Variants in PARD3B observed in about 807,000 individuals in gnomAD.
PARD3B encodes par-3 family cell polarity regulator beta.
In PARD3B, 103 loss-of-function variants were observed where a neutral mutation model predicts 130.2. That is an observed-to-expected ratio of 0.79 (90% CI 0.67 to 0.93). PARD3B has a LOEUF of 0.93. Ranked by LOEUF, PARD3B falls within the 40% of genes least tolerant of loss-of-function variation. The probability of loss-of-function intolerance (pLI) is 0.00; values close to 1 mark genes in which losing one functional copy is unlikely to be tolerated. For synonymous variants in PARD3B, 583 were observed against 553.2 expected, an observed-to-expected ratio of 1.05 and a Z score of -0.76; for missense variants, 1,609 against 1,499.2, an observed-to-expected ratio of 1.07 and a Z score of -1.21.
rs574908120 is a variant in PARD3B, at chr2:204,796,810, G to GT, written c.222+110532dup. ...TTGTGTATTCGAATCCAGGTACTAT[G>GT]TTTTGAGTAACCATATGCCTCTGGC... is the stretch of plus-strand genomic sequence containing the variant. On this transcript the variant is annotated intron_variant, in intron 2 of 22. Transcript: ENST00000406610. 2.2e-3 allele frequency among the ~76,000 whole-genome samples: 330 copies of GT among 152,270 alleles called. 1 individual carries two copies. Among genetic ancestry groups the GT allele is most frequent in the Non-Finnish European group, 3.6e-3 (247 of 68,002 alleles).
chr2:205,378,224 C>G (rs2045145391), intron 18 of PARD3B, among the ~76,000 whole-genome samples: 1 of 152,130 alleles, frequency 6.6e-6, no homozygotes, highest in Non-Finnish European at 1.5e-5. Flanking sequence ...ACTTAAAATG[C>G]AAAAGCCAGG....
At chr2:204,989,450 T>C (rs1366333137) in intron 3 of PARD3B, among the ~76,000 whole-genome samples, 1 of 152,060 alleles carries the variant, frequency 6.6e-6, no homozygotes, top group East Asian at 1.9e-4. Context: ...AAATATTGAA[T>C]TTGAGAGTTT....
intron 20 of PARD3B, among the ~76,000 whole-genome samples, chr2:205,486,922 G>A (rs1345238618): frequency 2.0e-5 from 3 of 152,104 alleles, no homozygotes; most frequent in South Asian, 2.1e-4. Context: ...GCATATGGAC[G>A]TAAAAGGAAT....
intron 15 of PARD3B, among the ~76,000 whole-genome samples, chr2:205,227,733 TCTGG>T (rs2038633923): frequency 6.6e-6 from 1 of 152,182 alleles, no homozygotes; most frequent in Non-Finnish European, 1.5e-5. Context: ...TTATTTGTTT[TCTGG>T]TTGTTTTGTG....
chr2:204,636,217 A>G (rs2034869050), intron 1 of PARD3B, among the ~76,000 whole-genome samples: 1 of 152,066 alleles, frequency 6.6e-6, no homozygotes, highest in Admixed American at 6.6e-5. Flanking sequence ...TTCTGTTTCC[A>G]GTGTCATGGT....
intron 1 of PARD3B, among the ~76,000 whole-genome samples, chr2:204,625,176 C>T (rs984664126): frequency 6.6e-6 from 1 of 152,132 alleles, no homozygotes; most frequent in African/African-American, 2.4e-5. Flanking sequence ...TTTTCATCCT[C>T]ATTTTTATTT....
chr2:204,561,631 T>G (rs1264404753), intron 1 of PARD3B, among the ~76,000 whole-genome samples: 2 of 151,184 alleles, frequency 1.3e-5, no homozygotes, highest in Non-Finnish European at 2.9e-5. Context: ...GTTTTGCTCT[T>G]GTCACCCAGG....
Position 204,875,822 on chromosome 2 carries a change from G to A in PARD3B, c.223-89330G>A, listed in dbSNP as rs895217221. 6.6e-5 allele frequency among the ~76,000 whole-genome samples: 10 copies of A among 152,194 alleles called. 1 individual carries two copies. The highest frequency in any genetic ancestry group is 1.7e-4 in the African/African-American group (7 of 41,454). On this transcript the variant is annotated intron_variant, in intron 2 of 22. Coordinates refer to ENST00000406610, the MANE Select transcript of PARD3B (RefSeq NM_001302769.2). ...AGAAGGCGGCCCTAAAAATCTTACA[G>A]TATGTCATTGGTTTGTTGATAACTC...
At chr2:205,296,429 T>C (rs2041794224) in intron 16 of PARD3B, among the ~76,000 whole-genome samples, 1 of 152,318 alleles carries the variant, frequency 6.6e-6, no homozygotes. Flanking sequence ...ACATCCAAAC[T>C]ATCCTCCAGG....
chr2:204,920,198 A>T (rs1054859402), intron 2 of PARD3B, among the ~76,000 whole-genome samples: 1 of 152,206 alleles, frequency 6.6e-6, no homozygotes, highest in Non-Finnish European at 1.5e-5. Flanking sequence ...GCTGTGGCCC[A>T]TCAGGGTATG....
intron 20 of PARD3B, among the ~76,000 whole-genome samples, chr2:205,462,383 G>GT (rs552986238): frequency 5.3e-5 from 8 of 151,892 alleles, no homozygotes; most frequent in South Asian, 4.2e-4. Context: ...CAGTCTTAAT[G>GT]TTTTTTTTGA....
At position 205,178,854 on chromosome 2, in the gene PARD3B, C is replaced by A. The variant is rs906980742; in HGVS notation, c.1924+2277C>A. On this transcript the variant is annotated intron_variant, in intron 13 of 22. Coordinates refer to ENST00000406610, the MANE Select transcript of PARD3B (RefSeq NM_001302769.2). The stretch of plus-strand genomic sequence containing the variant: ...AGATTTTAATGGAGCTGAAAAATTC[C>A]TAATGCTATACTATAATTTTTATCA... Among the ~76,000 whole-genome samples the A allele has an allele frequency of 9.2e-5, 14 of 152,088 alleles. No homozygotes were observed. The South Asian group carries it at 2.9e-3, about 32-fold the overall frequency.
rs373341326 is a variant in PARD3B, at chr2:205,257,140, A to G, written c.2185+11318A>G. Among the ~76,000 whole-genome samples the G allele has an allele frequency of 5.3e-4, 80 of 152,252 alleles. 3 individuals carry two copies. The South Asian group carries it at 0.016, about 31-fold the overall frequency. On this transcript the variant is annotated intron_variant, in intron 16 of 22. Coordinates refer to ENST00000406610, the MANE Select transcript of PARD3B (RefSeq NM_001302769.2). ...GGGTTAATGAAGAATGTGTGAAATG[A>G]AAGAGAAAACTTAAAGGAACCTAGA...
chr2:204,822,165 G>A (rs982793410), intron 2 of PARD3B, among the ~76,000 whole-genome samples: 2 of 152,214 alleles, frequency 1.3e-5, no homozygotes, highest in Admixed American at 1.3e-4. Context: ...GGAAGAAGTT[G>A]ATTCTAACCC....
At chr2:205,235,630 C>T (rs1310760123) in intron 15 of PARD3B, among the ~76,000 whole-genome samples, 3 of 152,130 alleles carry the variant, frequency 2.0e-5, no homozygotes, top group Non-Finnish European at 4.4e-5. Flanking sequence ...AGTGCGGCTA[C>T]TGTGCACAAA....
At chr2:204,660,033 A>G (rs764071018) in intron 1 of PARD3B, among the ~76,000 whole-genome samples, 3 of 152,156 alleles carry the variant, frequency 2.0e-5, no homozygotes, top group Non-Finnish European at 4.4e-5. Context: ...CAGATAATTC[A>G]CCTCAACCTC....
intron 19 of PARD3B, among the ~76,000 whole-genome samples, chr2:205,424,390 T>C (rs1310646245): frequency 6.6e-6 from 1 of 152,120 alleles, no homozygotes; most frequent in Non-Finnish European, 1.5e-5. Flanking sequence ...ATCCCAGAGT[T>C]CATTTAATGA....
chr2:204,599,151 G>A (rs191026827), intron 1 of PARD3B, among the ~76,000 whole-genome samples: 4 of 151,936 alleles, frequency 2.6e-5, no homozygotes, highest in African/African-American at 9.6e-5. Context: ...AGGGTAATTA[G>A]TATATTCATC....
chr2:204,759,406 C>T (rs6715511), intron 2 of PARD3B, among the ~76,000 whole-genome samples: 57,987 of 151,850 alleles, frequency 0.38, 14,175 homozygotes, highest in African/African-American at 0.71. Context: ...TTGTGTATTC[C>T]TCCAGAAATG....
Sources: allele counts gnomAD v4.1 joint callset (sites outside exome capture counted in the v4.1 genomes callset), GRCh38; gene constraint gnomAD v4.1.1; transcripts MANE v1.5; gene names NCBI Gene and HGNC (gene_info 2026-07-23, HGNC 2026-07-21).